Variants in COL4A3 observed in about 807,000 individuals in gnomAD.
The protein encoded by COL4A3 is collagen alpha-3(IV) chain.
A neutral mutation model predicts 217.4 loss-of-function variants in COL4A3; 135 were observed. The observed-to-expected ratio is 0.62, with a 90% CI of 0.54 to 0.72. The LOEUF (loss-of-function observed/expected upper bound fraction) is 0.72, where lower values mean the gene tolerates loss of function less well. Among genes scored for constraint, COL4A3 ranks in the 30% least tolerant of loss-of-function variants. COL4A3 has a pLI of 0.00. For missense variants in COL4A3, 1,868 were observed against 2,119.9 expected, an observed-to-expected ratio of 0.88 and a Z score of 2.33; for synonymous variants, 690 against 736.3, an observed-to-expected ratio of 0.94 and a Z score of 1.02.
At chr2:227,267,112 G>A (rs754088045) in intron 23 of COL4A3, 24 bp downstream of exon 23, 1 of 1,547,138 alleles carries the variant, frequency 6.5e-7, no homozygotes. Flanking sequence ...GCATGCAAGT[G>A]TTTTTGCAAG....
rs114695443 is a variant in COL4A3 at position 227,239,094 on chromosome 2, A to G, written c.145-1049A>G. ...TAACTAAATTGACCCAATTAACCAA[A>G]TCAGCCGGTGGCCTTTACTGTTGAA... is the stretch of plus-strand genomic sequence containing the variant. On this transcript the variant is annotated intron_variant, in intron 2 of 51. Coordinates refer to ENST00000396578, the MANE Select transcript of COL4A3 (RefSeq NM_000091.5). 4.1e-3 allele frequency among the ~76,000 whole-genome samples: 630 copies of G among 152,298 alleles called. 4 individuals are homozygous for G. Among genetic ancestry groups the G allele is most frequent in the African/African-American group, 0.014 (592 of 41,560 alleles).
At chr2:227,188,825 C>T (rs2066128000) in intron 1 of COL4A3, among the ~76,000 whole-genome samples, 1 of 152,128 alleles carries the variant, frequency 6.6e-6, no homozygotes, top group African/African-American at 2.4e-5. Context: ...TGGCTGAAGA[C>T]ATGAGACTGA....
intron 1 of COL4A3, among the ~76,000 whole-genome samples, chr2:227,196,108 C>A (rs1363873965): frequency 6.6e-6 from 1 of 151,830 alleles, no homozygotes; most frequent in Non-Finnish European, 1.5e-5. Flanking sequence ...TTATAGTGGG[C>A]TCAGGTTAAT....
chr2:227,255,629 T>C (rs2070113401), intron 15 of COL4A3, among the ~76,000 whole-genome samples: 1 of 152,184 alleles, frequency 6.6e-6, no homozygotes, highest in Admixed American at 6.5e-5. Flanking sequence ...GAATTACCAA[T>C]ATTTCAAATA....
At chr2:227,308,156 T>C (rs1056292988) in intron 48 of COL4A3, among the ~76,000 whole-genome samples, 2 of 152,214 alleles carry the variant, frequency 1.3e-5, no homozygotes, top group African/African-American at 2.4e-5. Context: ...TGCAAACAAT[T>C]TGCCCCTAAA....
Position 227,276,443 on chromosome 2 carries a change from GC to G in COL4A3, c.1991del (p.Pro664LeufsTer83), listed in dbSNP as rs780314793. The stretch of plus-strand genomic sequence containing the variant: ...TTCCAGGCCCACCAGGACCTCCAGG[GC>G]CCCCTGGCCATCCTGGCCCCCAAGG... ...PVPGPPGPPGPPGHPGPQGPP... is the reference protein window; with the variant it reads ...PVPGPPGPPGXPGHPGPQGPP... On this transcript the variant is annotated frameshift_variant, in exon 27 of 52. Transcript: ENST00000396578. LOFTEE classifies it high-confidence loss of function. 6.2e-7 allele frequency: 1 copy of G among 1,614,106 alleles called. No individual in the cohort carries two copies. The highest frequency in any genetic ancestry group is 1.7e-5 in the Admixed American group (1 of 60,020).
rs759736656 is a variant in COL4A3 at position 227,279,906 on chromosome 2, A to G, written c.2223+16A>G. 13 of 1,580,074 alleles carry G rather than the reference A, an allele frequency of 8.2e-6. No individual in the cohort carries two copies. Among genetic ancestry groups the G allele is most frequent in the Non-Finnish European group, 1.1e-5 (13 of 1,158,096 alleles). ...AGGAGCCAAGGTATGCAAAAATTCA[A>G]GCTATCACAGAAGAGAGGGTGGGTG... On this transcript the variant is annotated intron_variant, in intron 29 of 51. Transcript: ENST00000396578.
At chr2:227,234,040 A>C (rs2068553788) in intron 1 of COL4A3, among the ~76,000 whole-genome samples, 1 of 152,228 alleles carries the variant, frequency 6.6e-6, no homozygotes, top group Non-Finnish European at 1.5e-5. Flanking sequence ...TTACTGTATC[A>C]ACATTGATTT....
chr2:227,306,825 C>T (rs763244966), intron 47 of COL4A3, among the ~76,000 whole-genome samples: 3 of 152,100 alleles, frequency 2.0e-5, no homozygotes, highest in African/African-American at 7.2e-5. Context: ...GCTGTTTTCT[C>T]TGTGATTCCT....
chr2:227,206,991 T>C (rs776852276), intron 1 of COL4A3, among the ~76,000 whole-genome samples: 14 of 152,108 alleles, frequency 9.2e-5, no homozygotes, highest in Non-Finnish European at 2.1e-4. Context: ...GTCACCACTT[T>C]TGTGGTTAAG....
chr2:227,280,105 C>T (rs1052780528), intron 29 of COL4A3, among the ~76,000 whole-genome samples: 16 of 152,188 alleles, frequency 1.1e-4, no homozygotes, highest in Non-Finnish European at 2.4e-4. Context: ...ATCGTGATAT[C>T]ATCTTTAATG....
chr2:227,244,224 G>C lies in COL4A3; in HGVS notation c.235-96G>C, dbSNP rs924816264. The stretch of plus-strand genomic sequence containing the variant: ...ATGAAATAATCAGAAGGGCAAAACA[G>C]CTTGGCATGTGACTGAGACTGGGTT... On this transcript the variant is annotated intron_variant, in intron 3 of 51. Transcript: ENST00000396578. 5 of 956,304 alleles carry C rather than the reference G, an allele frequency of 5.2e-6. No homozygotes were observed. In the African/African-American group the frequency reaches 8.0e-5, roughly 15 times the overall value. The allele number at this position is 956,304 out of a possible 1,614,324, so 59.2% of individuals were successfully genotyped here.
At chr2:227,189,938 T>TC (rs909587318) in intron 1 of COL4A3, among the ~76,000 whole-genome samples, 8 of 152,034 alleles carry the variant, frequency 5.3e-5, no homozygotes, top group African/African-American at 1.9e-4. Context: ...CAGTAATTCT[T>TC]CCCCCCAAAT....
intron 25 of COL4A3, 92 bp downstream of exon 25, chr2:227,271,044 C>T: frequency 8.5e-7 from 1 of 1,170,940 alleles, no homozygotes; most frequent in Non-Finnish European, 1.3e-6. Flanking sequence ...GTTGGCCGCT[C>T]AGCACAGTTC....
chr2:227,273,391 G>A (rs773887861), intron 26 of COL4A3, among the ~76,000 whole-genome samples: 3 of 151,890 alleles, frequency 2.0e-5, no homozygotes, highest in Non-Finnish European at 4.4e-5. Context: ...GATCCTAAGC[G>A]TTATTGCAAA....
chr2:227,221,324 T>C (rs2067771943), intron 1 of COL4A3: 1 of 152,206 alleles, frequency 6.6e-6, no homozygotes, highest in African/African-American at 2.4e-5. Flanking sequence ...ATCTCACTGG[T>C]ACCCACAATT....
chr2:227,272,922 G>T, intron 25 of COL4A3, 27 bp from the exon 26 acceptor site: 2 of 1,612,698 alleles, frequency 1.2e-6, no homozygotes, highest in South Asian at 2.2e-5. Context: ...AATGAAGCAC[G>T]ATTCAAACAC....
In COL4A3 at chr2:227,164,801, C is replaced by G. The variant is rs905509132; in HGVS notation, c.75C>G (p.Pro25=). 2 of 1,518,164 alleles carry G rather than the reference C, an allele frequency of 1.3e-6. No individual in the cohort carries two copies. Among genetic ancestry groups the G allele is most frequent in the Middle Eastern group, 2.3e-4 (1 of 4,302 alleles). The allele number at this position is 1,518,164 out of a possible 1,614,324, so 94.0% of individuals were successfully genotyped here. ...TGCTGGTGCTCCTGGCGGCGGCGCC[C>G]GCAGCCAGCAAGGTGAGTGGGGGCT... ...PLLLVLLAAA[P]AASKGCVCKD... is the part of the protein sequence containing the mutation. Residue 25 remains proline, a synonymous_variant, in exon 1 of 52, where the codon CCC becomes CCG. Transcript: ENST00000396578. This position sits in a 1 kb window ranked among gnomAD's most constrained non-coding sequence, Gnocchi z 4.8.
intron 21 of COL4A3, chr2:227,264,905 C>T (rs2070797505): frequency 6.6e-6 from 1 of 152,214 alleles, no homozygotes; most frequent in Non-Finnish European, 1.5e-5. Flanking sequence ...TCCTACTTTC[C>T]CTTCGCTAAG....
Sources: gnomAD v4.1 joint callset for allele counts (sites outside exome capture counted in the v4.1 genomes callset) on GRCh38, gnomAD v4.1.1 for gene constraint, Gnocchi (gnomAD v3.1) non-coding constraint, MANE v1.5 for transcripts, NCBI Gene and HGNC (gene_info 2026-07-23, HGNC 2026-07-21) for gene names.